The following NUP98 variants were observed in gnomAD, a reference collection of about 807,000 sequenced individuals.
NUP98 encodes the protein nuclear pore complex protein Nup98-Nup96.
In NUP98, 26 loss-of-function variants were observed where a neutral mutation model predicts 191.9. The ratio of observed to expected loss-of-function variants is 0.14; its 90% CI spans 0.10 to 0.19. The LOEUF is 0.19. Ranked by LOEUF, NUP98 falls within the 10% of genes least tolerant of loss-of-function variation. The pLI is 1.00. For synonymous variants in NUP98, 808 were observed against 778.4 expected, an observed-to-expected ratio of 1.04 and a Z score of -0.63; for missense variants, 1,941 against 2,178.8, an observed-to-expected ratio of 0.89 and a Z score of 2.17.
At chr11:3,699,383 A>G (rs754048475) in intron 24 of NUP98, 35 bp from the exon 25 acceptor site, 4 of 1,607,196 alleles carry the variant, frequency 2.5e-6, no homozygotes, top group South Asian at 2.2e-5. Context: ...GTTACGAGAC[A>G]AAGTCTTACA....
chr11:3,733,040 AT>A (rs1264539821), intron 13 of NUP98, among the ~76,000 whole-genome samples: 1 of 152,238 alleles, frequency 6.6e-6, no homozygotes, highest in African/African-American at 2.4e-5. Flanking sequence ...TAAATTTTGT[AT>A]TAAGATAAAC....
chr11:3,679,862 G>T, intron 30 of NUP98, 154 bp from the exon 31 acceptor site: 1 of 714,666 alleles, frequency 1.4e-6, no homozygotes, highest in Non-Finnish European at 2.2e-6. Flanking sequence ...AGATACTGTG[G>T]GTTTCATTTC....
intron 4 of NUP98, among the ~76,000 whole-genome samples, chr11:3,778,091 C>T (rs912800122): frequency 2.7e-5 from 4 of 147,208 alleles, no homozygotes; most frequent in Non-Finnish European, 5.9e-5. Flanking sequence ...CCCAGCTACT[C>T]GGGAGGCTGA....
At chr11:3,777,055 C>T (rs1192360322) in intron 4 of NUP98, among the ~76,000 whole-genome samples, 2 of 152,256 alleles carry the variant, frequency 1.3e-5, no homozygotes, top group African/African-American at 2.4e-5. Context: ...TATTTACATA[C>T]ATTATAACAT....
At chr11:3,757,127 A>G (rs1186053629) in intron 10 of NUP98, among the ~76,000 whole-genome samples, 4 of 107,440 alleles carry the variant, frequency 3.7e-5, no homozygotes, top group South Asian at 2.8e-4. Flanking sequence ...ATCTATATCT[A>G]TATCTATATG....
At chr11:3,704,415 C>G (rs1274590384) in intron 22 of NUP98, among the ~76,000 whole-genome samples, 1 of 152,130 alleles carries the variant, frequency 6.6e-6, no homozygotes, top group Non-Finnish European at 1.5e-5. Context: ...TAATCACTTC[C>G]CTGGGAATTT....
chr11:3,780,268 C>T (rs1025597986), intron 2 of NUP98, among the ~76,000 whole-genome samples: 3 of 151,352 alleles, frequency 2.0e-5, no homozygotes, highest in Non-Finnish European at 2.9e-5. Flanking sequence ...TACAGGCTCA[C>T]GCCTGTAACC....
At chr11:3,791,533 C>CAAAAAAAAAAA (rs71041395) in intron 1 of NUP98, among the ~76,000 whole-genome samples, 3 of 67,200 alleles carry the variant, frequency 4.5e-5, no homozygotes, top group African/African-American at 1.9e-4. Context: ...GACCTCGTCT[C>CAAAAAAAAAAA]AAAAAAAAAA....
intron 10 of NUP98, among the ~76,000 whole-genome samples, chr11:3,759,782 AC>A (rs199568642): frequency 0.05 from 7,655 of 152,186 alleles, 250 homozygotes; most frequent in Middle Eastern, 0.096. Context: ...TAAAAAATAA[AC>A]TACTGAATAA....
At chr11:3,712,101 C>A in intron 20 of NUP98, 1 of 1,053,972 alleles carries the variant, frequency 9.5e-7, no homozygotes. Context: ...TCAAGGTTAC[C>A]CGAAGTATAA....
At chr11:3,695,955 G>T (rs1316236089) in intron 25 of NUP98, among the ~76,000 whole-genome samples, 1 of 152,174 alleles carries the variant, frequency 6.6e-6, no homozygotes, top group Admixed American at 6.6e-5. Context: ...ACTCTGGCAG[G>T]CCAAGGGAGG....
intron 27 of NUP98, 48 bp downstream of exon 27, chr11:3,693,184 C>T: frequency 2.5e-6 from 4 of 1,604,556 alleles, no homozygotes; most frequent in Non-Finnish European, 3.4e-6. Context: ...TTTGACAATA[C>T]TTTAACACCC....
At chr11:3,683,545 CTTTTT>C in intron 29 of NUP98, 104 bp from the exon 30 acceptor site, 1 of 817,550 alleles carries the variant, frequency 1.2e-6, no homozygotes, top group Non-Finnish European at 1.8e-6. Flanking sequence ...AACTGCAGGT[CTTTTT>C]TTTTTTTGAT....
rs949171480 is a variant in NUP98, at chr11:3,685,581, C to T, written c.4676+392G>A. 1.3e-4 allele frequency among the ~76,000 whole-genome samples: 20 copies of T among 152,306 alleles called. No individual in the cohort carries two copies. In the East Asian group the frequency reaches 3.9e-3, roughly 29 times the overall value. On this transcript the variant is annotated intron_variant, in intron 29 of 32. Coordinates refer to ENST00000324932, the MANE Select transcript of NUP98 (RefSeq NM_016320.5). The stretch of plus-strand genomic sequence containing the variant: ...TAAATGACTAGTTTTTTGGCCCAGG[C>T]ATAATGCTATTGTCCCATCTGGGCA...
intron 30 of NUP98, among the ~76,000 whole-genome samples, chr11:3,682,037 T>C (rs2077998617): frequency 1.3e-5 from 2 of 152,234 alleles, no homozygotes; most frequent in African/African-American, 4.8e-5. Flanking sequence ...CCTTGCACTT[T>C]AATGGAATGG....
intron 18 of NUP98, 48 bp from the exon 19 acceptor site, chr11:3,714,043 CATAT>C (rs1303820085): frequency 6.4e-7 from 1 of 1,574,016 alleles, no homozygotes; most frequent in African/African-American, 1.4e-5. Flanking sequence ...AAAAGCGCTT[CATAT>C]ATAAGACCAG....
intron 17 of NUP98, among the ~76,000 whole-genome samples, chr11:3,720,175 T>C (rs920626360): frequency 2.0e-5 from 3 of 152,218 alleles, no homozygotes; most frequent in Non-Finnish European, 4.4e-5. Flanking sequence ...GCCTGGCATA[T>C]GGGTTAAAAT....
At chr11:3,782,875 A>G (rs2082020657) in intron 1 of NUP98, among the ~76,000 whole-genome samples, 1 of 152,070 alleles carries the variant, frequency 6.6e-6, no homozygotes, top group African/African-American at 2.4e-5. Flanking sequence ...TATTTTCCAT[A>G]GTTTGCATTA....
At chr11:3,713,670 GATCCCACC>G (rs2079087487) in intron 19 of NUP98, 140 bp downstream of exon 19, 1 of 730,606 alleles carries the variant, frequency 1.4e-6, no homozygotes, top group South Asian at 2.1e-5. Context: ...AGGGAGCTAT[GATCCCACC>G]ATTGTACTCC....
Sources: allele counts gnomAD v4.1 joint callset (sites outside exome capture counted in the v4.1 genomes callset), GRCh38; gene constraint gnomAD v4.1.1; transcripts MANE v1.5; gene names NCBI Gene and HGNC (gene_info 2026-07-23, HGNC 2026-07-21).